Variants in MYO1D observed in about 807,000 individuals in gnomAD.
MYO1D encodes unconventional myosin-Id.
In MYO1D, 83 loss-of-function variants were observed where a neutral mutation model predicts 122.0. That is an observed-to-expected ratio of 0.68 (90% CI 0.57 to 0.82). The LOEUF (loss-of-function observed/expected upper bound fraction) is 0.82. Ranked by LOEUF, MYO1D falls within the 40% of genes least tolerant of loss-of-function variation. The probability of loss-of-function intolerance (pLI) is 0.00; values close to 1 mark genes in which losing one functional copy is unlikely to be tolerated. For synonymous variants in MYO1D, 464 were observed against 446.9 expected (o/e 1.04, Z -0.48); for missense variants, 1,157 against 1,269.5 (o/e 0.91, Z 1.35).
intron 14 of MYO1D, among the ~76,000 whole-genome samples, chr17:32,724,499 T>C (rs2089549292): frequency 6.6e-6 from 1 of 152,204 alleles, no homozygotes; most frequent in South Asian, 2.1e-4. Context: ...GAGAATTTAC[T>C]GGGTCAGAAT....
chr17:32,554,553 G>T (rs2087051548), intron 21 of MYO1D, among the ~76,000 whole-genome samples: 1 of 152,132 alleles, frequency 6.6e-6, no homozygotes, highest in Admixed American at 6.5e-5. Flanking sequence ...TCTTTCAGTG[G>T]GGAAAAGCAT....
intron 1 of MYO1D, among the ~76,000 whole-genome samples, chr17:32,834,998 A>ACG (rs2090808584): frequency 6.6e-6 from 1 of 151,558 alleles, no homozygotes; most frequent in Non-Finnish European, 1.5e-5. Flanking sequence ...GTGACAGAGT[A>ACG]AGACTCTGCT....
chr17:32,832,988 G>A (rs1270710609), intron 1 of MYO1D, among the ~76,000 whole-genome samples: 1 of 152,064 alleles, frequency 6.6e-6, no homozygotes, highest in Non-Finnish European at 1.5e-5. Context: ...CCCGAGTCTC[G>A]GGTGCTCAAA....
At chr17:32,502,736 C>T (rs889759292) in intron 21 of MYO1D, among the ~76,000 whole-genome samples, 5 of 152,276 alleles carry the variant, frequency 3.3e-5, no homozygotes, top group Admixed American at 2.6e-4. Context: ...ACGGAGTAGA[C>T]GCTTGGGGTC....
intron 19 of MYO1D, among the ~76,000 whole-genome samples, chr17:32,640,014 A>G (rs2088172954): frequency 6.6e-6 from 1 of 152,188 alleles, no homozygotes; most frequent in Non-Finnish European, 1.5e-5. Context: ...TAGGGAGGAT[A>G]TAGCAAACTA....
chr17:32,793,171 G>A (rs1285454703), intron 1 of MYO1D, among the ~76,000 whole-genome samples: 1 of 151,848 alleles, frequency 6.6e-6, no homozygotes, highest in Non-Finnish European at 1.5e-5. Flanking sequence ...CAGCACTCAA[G>A]CTCTTGACAT....
intron 20 of MYO1D, among the ~76,000 whole-genome samples, chr17:32,636,514 T>C (rs1326998127): frequency 6.6e-6 from 1 of 152,216 alleles, no homozygotes; most frequent in Non-Finnish European, 1.5e-5. Context: ...CCCCATCACA[T>C]CGAACTTGCT....
intron 21 of MYO1D, chr17:32,498,742 A>G (rs981494398): frequency 1.3e-5 from 2 of 152,264 alleles, no homozygotes; most frequent in Admixed American, 6.5e-5. Flanking sequence ...AAGTGTCAAG[A>G]ACCTCCAAAA....
chr17:32,876,509 G>A (rs1057030549), intron 1 of MYO1D, among the ~76,000 whole-genome samples: 3 of 152,100 alleles, frequency 2.0e-5, no homozygotes, highest in African/African-American at 7.2e-5. Flanking sequence ...CCTAAACCCC[G>A]GACAGCGCCC....
At chr17:32,540,433 G>T (rs1047962911) in intron 21 of MYO1D, among the ~76,000 whole-genome samples, 3 of 147,694 alleles carry the variant, frequency 2.0e-5, no homozygotes, top group African/African-American at 5.0e-5. Context: ...ACTACATAAA[G>T]AACTCTTAGA....
chr17:32,759,538 T>G lies in MYO1D; in HGVS notation c.1296+752A>C, dbSNP rs1219913058. On this transcript the variant is annotated intron_variant, in intron 10 of 21. Transcript: ENST00000318217. ...AACTACAGAAACTTAAAAGTTTTTG[T>G]ATTTTTCAAGTTTATTCTCAAAATT... Among the ~76,000 whole-genome samples the G allele has an allele frequency of 2.6e-5, 4 of 152,190 alleles. No individual in the cohort carries two copies. The East Asian group carries it at 7.7e-4, about 29-fold the overall frequency.
intron 21 of MYO1D, chr17:32,496,909 C>T (rs1159757604): frequency 6.6e-6 from 1 of 152,268 alleles, no homozygotes; most frequent in Non-Finnish European, 1.5e-5. Flanking sequence ...CACGTCAGCT[C>T]AAAAAAATTA....
At chr17:32,841,399 C>G (rs1164832485) in intron 1 of MYO1D, among the ~76,000 whole-genome samples, 1 of 151,214 alleles carries the variant, frequency 6.6e-6, no homozygotes, top group Non-Finnish European at 1.5e-5. Flanking sequence ...CTGGGGAGGT[C>G]AAGACTGCAG....
intron 10 of MYO1D, among the ~76,000 whole-genome samples, chr17:32,759,152 T>G (rs1366588271): frequency 1.3e-5 from 2 of 152,130 alleles, no homozygotes; most frequent in African/African-American, 4.8e-5. Context: ...ATTTTAATTG[T>G]ATTAGGAGAG....
At chr17:32,630,036 T>C (rs753350579) in intron 20 of MYO1D, among the ~76,000 whole-genome samples, 3 of 152,200 alleles carry the variant, frequency 2.0e-5, no homozygotes, top group Non-Finnish European at 2.9e-5. Flanking sequence ...GAATGACTCA[T>C]GTGGTCATGG....
chr17:32,544,285 G>C (rs1189863408), intron 21 of MYO1D, among the ~76,000 whole-genome samples: 27 of 151,458 alleles, frequency 1.8e-4, no homozygotes, highest in Admixed American at 1.8e-3. Flanking sequence ...AAAATTTGTA[G>C]AGACACTGTC....
intron 16 of MYO1D, among the ~76,000 whole-genome samples, chr17:32,680,002 A>G (rs2088886931): frequency 7.4e-6 from 1 of 135,274 alleles, no homozygotes; most frequent in South Asian, 2.6e-4. Context: ...ATTCCTAGGT[A>G]TTTTATTCTC....
intron 16 of MYO1D, among the ~76,000 whole-genome samples, chr17:32,672,052 T>A (rs960494484): frequency 6.6e-6 from 1 of 152,206 alleles, no homozygotes; most frequent in Admixed American, 6.5e-5. Context: ...ACAAACATGA[T>A]GTGGTATTTG....
At chr17:32,694,138 C>G (rs934546211) in intron 16 of MYO1D, among the ~76,000 whole-genome samples, 1 of 152,180 alleles carries the variant, frequency 6.6e-6, no homozygotes, top group Non-Finnish European at 1.5e-5. Flanking sequence ...AAATGTCTTA[C>G]GGAAAATTAA....
Sources: allele counts gnomAD v4.1 joint callset (sites outside exome capture counted in the v4.1 genomes callset), GRCh38; gene constraint gnomAD v4.1.1; transcripts MANE v1.5; gene names NCBI Gene and HGNC (gene_info 2026-07-23, HGNC 2026-07-21).